Variants in SNX14 observed in about 807,000 individuals in gnomAD.
SNX14 encodes sorting nexin-14.
In SNX14, 93 loss-of-function variants were observed where a neutral mutation model predicts 133.8. The observed-to-expected ratio is 0.70, with a 90% CI of 0.59 to 0.83. SNX14 has a LOEUF of 0.83. SNX14 is among the 40% of genes least tolerant of loss of function. The probability of loss-of-function intolerance (pLI) is 0.00; values close to 1 mark genes in which losing one functional copy is unlikely to be tolerated. For synonymous variants in SNX14, 368 were observed against 365.6 expected (o/e 1.01, Z -0.07); for missense variants, 945 against 1,094.9 (o/e 0.86, Z 1.93).
At position 85,572,338 on chromosome 6, in the gene SNX14, T is replaced by C. The variant is rs1299136981; in HGVS notation, c.298A>G (p.Ser100Gly). The C allele has an allele frequency of 6.2e-7, 1 of 1,613,494 alleles. No homozygotes were observed. The highest frequency in any genetic ancestry group is 2.2e-5 in the East Asian group (1 of 44,822). ...GLQELFPQGH[S>G]CAVCGKVKCK... ...TTCACTTTACCACAAACAGCACAGCTATGACCTTGAGGAAATAATTCCTGA... is the reference window on the plus strand; with the variant it reads ...TTCACTTTACCACAAACAGCACAGCCATGACCTTGAGGAAATAATTCCTGA... The change falls in exon 3 of 29, where the codon AGC becomes GGC. Residue 100 changes from serine to glycine, a missense_variant. Coordinates refer to ENST00000314673, the MANE Select transcript of SNX14 (RefSeq NM_153816.6).
chr6:85,592,395 A>G (rs1480423718), intron 1 of SNX14, among the ~76,000 whole-genome samples: 2 of 152,206 alleles, frequency 1.3e-5, no homozygotes, highest in African/African-American at 4.8e-5. Flanking sequence ...CCTTAAGATA[A>G]AGAGTAAGAA....
intron 1 of SNX14, among the ~76,000 whole-genome samples, chr6:85,577,350 G>A (rs1397655150): frequency 6.6e-6 from 1 of 152,080 alleles, no homozygotes; most frequent in Non-Finnish European, 1.5e-5. Flanking sequence ...CCTGGGAGGT[G>A]GAGGCTGCAG....
At chr6:85,515,177 G>A (rs9362226) in intron 23 of SNX14, among the ~76,000 whole-genome samples, 16,720 of 140,170 alleles carry the variant, frequency 0.12, 1,350 homozygotes, top group African/African-American at 0.25. Flanking sequence ...TGAGGCAGGA[G>A]AATAGTTTGA....
chr6:85,559,115 A>G (rs1221176369), intron 6 of SNX14, among the ~76,000 whole-genome samples: 1 of 152,140 alleles, frequency 6.6e-6, no homozygotes. Flanking sequence ...TTCCATATTA[A>G]GGGAACAAAA....
chr6:85,566,701 GA>G (rs538881420), intron 5 of SNX14, among the ~76,000 whole-genome samples: 8 of 138,798 alleles, frequency 5.8e-5, no homozygotes, highest in South Asian at 2.3e-4. Flanking sequence ...CCATCTCAAA[GA>G]AAAAAAAAAG....
At chr6:85,562,552 TGC>T (rs1791997373) in intron 6 of SNX14, among the ~76,000 whole-genome samples, 3 of 151,500 alleles carry the variant, frequency 2.0e-5, no homozygotes, top group African/African-American at 4.8e-5. Context: ...TAAATTATAC[TGC>T]AATAAATCTT....
chr6:85,505,730 A>AT lies in SNX14; in HGVS notation c.*236dup. 2.1e-6 allele frequency: 1 copy of AT among 472,306 alleles called. No homozygotes were observed. The allele number at this position is 472,306 out of a possible 1,614,324, so 29.3% of individuals were successfully genotyped here. A position where few individuals can be genotyped will look rare whatever the true frequency, so the allele number is the denominator to read the frequency against. ...TGAATTTTCTCTTTTAAAAATGGCA[A>AT]TAACAAGTGACTTATGTTCTAATAA... On this transcript the variant is annotated 3_prime_UTR_variant, in exon 29 of 29. Transcript: ENST00000314673.
chr6:85,542,172 T>C, intron 14 of SNX14, 129 bp from the exon 15 acceptor site: 2 of 553,746 alleles, frequency 3.6e-6, no homozygotes, highest in East Asian at 6.4e-5. Flanking sequence ...AATACAGACA[T>C]GGTCAACTAG....
chr6:85,518,050 T>G lies in SNX14; in HGVS notation c.2108-2A>C. 6.2e-7 allele frequency: 1 copy of G among 1,603,002 alleles called. No individual in the cohort carries two copies. The highest frequency in any genetic ancestry group is 2.2e-5 in the East Asian group (1 of 44,616). ...CAGGAACAGATTTTATAATTTTCCC[T>G]GCAATTAAAAGTAAAACATTATTTT... On this transcript the variant is annotated splice_acceptor_variant, in intron 21 of 28. Transcript: ENST00000314673. LOFTEE classifies it high-confidence loss of function.
Position 85,517,867 on chromosome 6 carries a change from C to T in SNX14, c.2157G>A (p.Gln719=), listed in dbSNP as rs752589881. ...VPGKLMKEKG[Q]HLEPFIMNFI... Reference sequence around the variant, plus strand: ...AATTCATGATAAAAGGTTCCAAATGCTGACCTTTCTGTGGTGATAGATTAT... The same window carrying T: ...AATTCATGATAAAAGGTTCCAAATGTTGACCTTTCTGTGGTGATAGATTAT... Residue 719 remains glutamine (Q), a synonymous_variant, in exon 23 of 29, where the codon CAG becomes CAA. Transcript: ENST00000314673. 2.5e-6 allele frequency: 4 copies of T among 1,605,006 alleles called. No individual in the cohort carries two copies. Among genetic ancestry groups the T allele is most frequent in the Admixed American group, 1.7e-5 (1 of 57,756 alleles).
intron 21 of SNX14, among the ~76,000 whole-genome samples, chr6:85,518,867 GTCT>G (rs1481374520): frequency 6.6e-6 from 1 of 152,042 alleles, no homozygotes. Flanking sequence ...ATGCTTTTCT[GTCT>G]TCTATGTGTT....
intron 1 of SNX14, 85 bp from the exon 2 acceptor site, chr6:85,574,463 T>C (rs1036013551): frequency 6.2e-5 from 58 of 933,518 alleles, no homozygotes; most frequent in Non-Finnish European, 8.5e-5. Flanking sequence ...CAAGCATTCA[T>C]TAAGCACCTA....
At chr6:85,530,524 A>G (rs921530491) in intron 18 of SNX14, among the ~76,000 whole-genome samples, 3 of 152,028 alleles carry the variant, frequency 2.0e-5, no homozygotes, top group Non-Finnish European at 4.4e-5. Flanking sequence ...AGGCACCTGT[A>G]GTCCCAGCTA....
At chr6:85,511,098 A>G (rs541744263) in intron 26 of SNX14, among the ~76,000 whole-genome samples, 1 of 152,312 alleles carries the variant, frequency 6.6e-6, no homozygotes, top group African/African-American at 2.4e-5. Context: ...CTTTAATTAA[A>G]GTTTTACAAT....
intron 1 of SNX14, among the ~76,000 whole-genome samples, chr6:85,578,636 C>A (rs919586784): frequency 6.6e-6 from 1 of 152,148 alleles, no homozygotes; most frequent in Non-Finnish European, 1.5e-5. Context: ...TAGAAATAGA[C>A]TGCATGAAAT....
At chr6:85,525,722 T>C (rs1045881796) in intron 21 of SNX14, among the ~76,000 whole-genome samples, 1 of 152,170 alleles carries the variant, frequency 6.6e-6, no homozygotes, top group Non-Finnish European at 1.5e-5. Context: ...AAAATGCAAC[T>C]GTCTTAAACT....
At chr6:85,521,984 T>G (rs2127915587) in intron 21 of SNX14, among the ~76,000 whole-genome samples, 1 of 152,360 alleles carries the variant, frequency 6.6e-6, no homozygotes, top group African/African-American at 2.4e-5. Flanking sequence ...CCCAGCACTA[T>G]TTATTGAAAC....
intron 7 of SNX14, among the ~76,000 whole-genome samples, chr6:85,552,237 C>T (rs913537350): frequency 6.6e-6 from 1 of 151,618 alleles, no homozygotes; most frequent in Non-Finnish European, 1.5e-5. Flanking sequence ...GGGGTTTCAC[C>T]GTTTTAGCCG....
intron 1 of SNX14, among the ~76,000 whole-genome samples, chr6:85,585,498 T>A (rs1800531157): frequency 6.6e-6 from 1 of 151,496 alleles, no homozygotes; most frequent in Non-Finnish European, 1.5e-5. Flanking sequence ...AAGGAAATAG[T>A]CAAGAGCAGA....
Sources: gnomAD v4.1 joint callset for allele counts (sites outside exome capture counted in the v4.1 genomes callset) on GRCh38, gnomAD v4.1.1 for gene constraint, MANE v1.5 for transcripts, NCBI Gene and HGNC (gene_info 2026-07-23, HGNC 2026-07-21) for gene names.